Variants in FAM171A1 observed in about 807,000 individuals in gnomAD.
FAM171A1 encodes the protein family with sequence similarity 171 member A1.
FAM171A1 carries 23 observed loss-of-function variants against 74.9 expected under a neutral mutation model. That is an observed-to-expected ratio of 0.31 (90% CI 0.22 to 0.44). The LOEUF is 0.44. Ranked by LOEUF, FAM171A1 falls within the 20% of genes least tolerant of loss-of-function variation. The probability of loss-of-function intolerance (pLI) is 1.00; values close to 1 mark genes in which losing one functional copy is unlikely to be tolerated. For missense variants in FAM171A1, 1,162 were observed against 1,159.2 expected, an observed-to-expected ratio of 1.00 and a Z score of -0.03; for synonymous variants, 527 against 505.7, an observed-to-expected ratio of 1.04 and a Z score of -0.57.
chr10:15,293,050 C>T (rs951593407), intron 1 of FAM171A1, among the ~76,000 whole-genome samples: 2 of 152,186 alleles, frequency 1.3e-5, no homozygotes, highest in South Asian at 2.1e-4. Flanking sequence ...TTATAACATG[C>T]TCATAACTCA....
chr10:15,295,570 G>T (rs1246031745), intron 1 of FAM171A1, among the ~76,000 whole-genome samples: 1 of 152,130 alleles, frequency 6.6e-6, no homozygotes, highest in Non-Finnish European at 1.5e-5. Flanking sequence ...CCTCTTAACC[G>T]CTTTTCATTC....
chr10:15,293,380 T>A (rs1446769932), intron 1 of FAM171A1, among the ~76,000 whole-genome samples: 1 of 152,156 alleles, frequency 6.6e-6, no homozygotes, highest in Non-Finnish European at 1.5e-5. Flanking sequence ...AAATATTTAT[T>A]GACCAGCTGC....
intron 1 of FAM171A1, among the ~76,000 whole-genome samples, chr10:15,358,826 T>C (rs572010303): frequency 6.6e-6 from 1 of 152,228 alleles, no homozygotes; most frequent in Non-Finnish European, 1.5e-5. Context: ...CTTATTTACA[T>C]TGGTAAAATG....
At position 15,280,828 on chromosome 10, in the gene FAM171A1, A is replaced by G. The variant is rs532533425; in HGVS notation, c.325+3050T>C. Reference sequence around the variant, plus strand: ...TTAGTGTTCATCTCCAAAAATATGCACAAAAGCAAATTGACTCTGCTTTTC... The same window carrying G: ...TTAGTGTTCATCTCCAAAAATATGCGCAAAAGCAAATTGACTCTGCTTTTC... On this transcript the variant is annotated intron_variant, in intron 2 of 7. Coordinates refer to ENST00000378116, the MANE Select transcript of FAM171A1 (RefSeq NM_001010924.2). 2.0e-5 allele frequency among the ~76,000 whole-genome samples: 3 copies of G among 152,354 alleles called. 1 individual carries two copies. The highest frequency in any genetic ancestry group is 4.1e-4 in the South Asian group (2 of 4,834).
At chr10:15,258,421 G>T (rs1269915767) in intron 3 of FAM171A1, among the ~76,000 whole-genome samples, 8 of 152,100 alleles carry the variant, frequency 5.3e-5, no homozygotes, top group African/African-American at 1.9e-4. Context: ...CTTATTCATT[G>T]TAAGACTTGG....
chr10:15,242,878 G>A (rs1315990873), intron 5 of FAM171A1, among the ~76,000 whole-genome samples: 1 of 152,194 alleles, frequency 6.6e-6, no homozygotes, highest in Admixed American at 6.5e-5. Flanking sequence ...AGGAAACAGA[G>A]AATGGGCTAA....
chr10:15,368,106 A>G (rs1011242413), intron 1 of FAM171A1, among the ~76,000 whole-genome samples: 2 of 152,256 alleles, frequency 1.3e-5, no homozygotes, highest in African/African-American at 4.8e-5. Context: ...AGAGCAACTG[A>G]GAGGAAACAC....
chr10:15,250,592 CACAAAAAAAT>C (rs1834495223), intron 4 of FAM171A1, among the ~76,000 whole-genome samples: 1 of 152,038 alleles, frequency 6.6e-6, no homozygotes, highest in Admixed American at 6.6e-5. Context: ...ACCCCGTTTG[CACAAAAAAAT>C]ACAAAAAATT....
At position 15,361,045 on chromosome 10, in the gene FAM171A1, C is replaced by T. The variant is rs151260680; in HGVS notation, c.97+9911G>A. On this transcript the variant is annotated intron_variant, in intron 1 of 7. Transcript: ENST00000378116. Reference sequence around the variant, plus strand: ...TTTGGACCTAACTTTTGCAAGCCCTCGTCTTACCTTTATAAGAAACTATAA... The same window carrying T: ...TTTGGACCTAACTTTTGCAAGCCCTTGTCTTACCTTTATAAGAAACTATAA... Among the ~76,000 whole-genome samples, 711 of 152,120 alleles carry T rather than the reference C, an allele frequency of 4.7e-3. 5 individuals are homozygous for T. The highest frequency in any genetic ancestry group is 0.016 in the African/African-American group (650 of 41,486).
chr10:15,241,594 AT>A (rs984797920), intron 5 of FAM171A1: 2 of 152,088 alleles, frequency 1.3e-5, no homozygotes, highest in Admixed American at 6.5e-5. Flanking sequence ...CTTTTGATTC[AT>A]TTCCCCCATA....
At chr10:15,260,519 G>C (rs1169638081) in intron 3 of FAM171A1, among the ~76,000 whole-genome samples, 1 of 152,176 alleles carries the variant, frequency 6.6e-6, no homozygotes, top group East Asian at 1.9e-4. Flanking sequence ...GTGTCCAACA[G>C]TGTCTCCTGG....
intron 4 of FAM171A1, among the ~76,000 whole-genome samples, chr10:15,249,030 G>A (rs1834473579): frequency 6.6e-6 from 1 of 151,944 alleles, no homozygotes; most frequent in Non-Finnish European, 1.5e-5. Flanking sequence ...GAGTAGTAAT[G>A]GTAGGTGGCC....
chr10:15,369,199 T>TTATATATATATTGAATATATATATA (rs1554758707), intron 1 of FAM171A1, among the ~76,000 whole-genome samples: 70 of 147,570 alleles, frequency 4.7e-4, no homozygotes, highest in Middle Eastern at 3.6e-3. Flanking sequence ...CCTAAACCTG[T>TTATATATATATTGAATATATATATA]TATATATATA....
chr10:15,220,909 GATCCGCATC>G, intron 6 of FAM171A1, 26 bp downstream of exon 6: 1 of 1,522,412 alleles, frequency 6.6e-7, no homozygotes, highest in South Asian at 1.1e-5. Context: ...CAAAGCAACT[GATCCGCATC>G]ATCGCAAGTG....
At chr10:15,292,407 T>TCCC (rs1835112967) in intron 1 of FAM171A1, among the ~76,000 whole-genome samples, 2 of 152,158 alleles carry the variant, frequency 1.3e-5, no homozygotes, top group African/African-American at 4.8e-5. Flanking sequence ...GCTCCCACCA[T>TCCC]CCCCACTTTT....
rs1833901305 is a variant in FAM171A1, at chr10:15,212,441, A to G, written c.*474T>C. The G allele has an allele frequency of 6.1e-6, 1 of 162,928 alleles. No individual in the cohort carries two copies. Among genetic ancestry groups the G allele is most frequent in the African/African-American group, 2.4e-5 (1 of 41,578 alleles). 10.1% of individuals were successfully genotyped at this position (162,928 alleles called of 1,614,324 possible). On this transcript the variant is annotated 3_prime_UTR_variant, in exon 8 of 8. Coordinates refer to ENST00000378116, the MANE Select transcript of FAM171A1 (RefSeq NM_001010924.2). ...AGCAAAATCAGACAACGAAGCAGCG[A>G]TGCATAGCTTTCCTTTGAGAGAACG...
intron 1 of FAM171A1, among the ~76,000 whole-genome samples, chr10:15,341,081 A>G (rs1277376316): frequency 2.0e-5 from 3 of 152,248 alleles, no homozygotes; most frequent in Non-Finnish European, 4.4e-5. Flanking sequence ...TGAGACGTGC[A>G]CTGACATCAA....
intron 1 of FAM171A1, among the ~76,000 whole-genome samples, chr10:15,340,149 T>C (rs1445506518): frequency 6.6e-6 from 1 of 152,174 alleles, no homozygotes; most frequent in Non-Finnish European, 1.5e-5. Flanking sequence ...CATACATTAC[T>C]TGGAATTCTT....
intron 6 of FAM171A1, among the ~76,000 whole-genome samples, chr10:15,220,537 C>G (rs2131712296): frequency 6.6e-6 from 1 of 152,286 alleles, no homozygotes; most frequent in South Asian, 2.1e-4. Flanking sequence ...AAATGCCCCA[C>G]CAGGCTTTTT....
Sources: gnomAD v4.1 joint callset for allele counts (sites outside exome capture counted in the v4.1 genomes callset) on GRCh38, gnomAD v4.1.1 for gene constraint, MANE v1.5 for transcripts, NCBI Gene and HGNC (gene_info 2026-07-23, HGNC 2026-07-21) for gene names.